CFAP52: variants seen among roughly 807,000 people sequenced by gnomAD.
CFAP52 encodes the protein cilia and flagella associated protein 52, also known as cilia- and flagella-associated protein 52.
Under a neutral mutation model 70.5 loss-of-function variants are expected in CFAP52, and 57 were observed. The observed-to-expected ratio is 0.81, with a 90% CI of 0.65 to 1.01. The LOEUF (loss-of-function observed/expected upper bound fraction) is 1.01, where lower values mean the gene tolerates loss of function less well. Ranked by LOEUF, CFAP52 falls within the 50% of genes least tolerant of loss-of-function variation. The pLI is 0.00. For missense variants in CFAP52, 785 were observed against 788.5 expected (o/e 1.00, Z 0.05); for synonymous variants, 267 against 292.5 (o/e 0.91, Z 0.89).
intron 6 of CFAP52, among the ~76,000 whole-genome samples, chr17:9,602,647 G>C (rs1034745328): frequency 3.3e-5 from 5 of 152,070 alleles, no homozygotes; most frequent in African/African-American, 4.8e-5. Flanking sequence ...GGGATTGCTG[G>C]GTCAAATGGT....
chr17:9,590,277 GC>G, intron 3 of CFAP52: 1 of 189,770 alleles, frequency 5.3e-6, no homozygotes, highest in Admixed American at 5.2e-5. Context: ...CTTCTGGCGG[GC>G]CAAGGTGTTT....
chr17:9,633,655 T>A (rs928943393), intron 10 of CFAP52, among the ~76,000 whole-genome samples: 1 of 151,520 alleles, frequency 6.6e-6, no homozygotes, highest in Non-Finnish European at 1.5e-5. Flanking sequence ...GGATCGTGGT[T>A]GTACGAATTG....
intron 13 of CFAP52, 145 bp downstream of exon 13, chr17:9,641,980 C>A: frequency 1.7e-6 from 1 of 581,012 alleles, no homozygotes; most frequent in Non-Finnish European, 3.0e-6. Context: ...AATACTGCAG[C>A]CAATGTGGCT....
chr17:9,608,111 C>T lies in CFAP52; in HGVS notation c.754-8C>T, dbSNP rs984417413. 3 of 1,603,490 alleles carry T rather than the reference C, an allele frequency of 1.9e-6. No homozygotes were observed. Among genetic ancestry groups the T allele is most frequent in the South Asian group, 2.2e-5 (2 of 89,566 alleles). The stretch of plus-strand genomic sequence containing the variant: ...TGTGCTTTTTCTTAACACAGTTTTT[C>T]CCCCTAGGGAGTGTCAGCTATCAGG... On this transcript the variant is annotated splice_polypyrimidine_tract_variant and splice_region_variant and intron_variant, in intron 6 of 13. Transcript: ENST00000352665.
At chr17:9,642,555 C>T (rs980639237) in intron 13 of CFAP52, among the ~76,000 whole-genome samples, 5 of 152,072 alleles carry the variant, frequency 3.3e-5, no homozygotes, top group Admixed American at 1.3e-4. Flanking sequence ...GCCTGGGAGG[C>T]GGAGGCTGCA....
intron 8 of CFAP52, among the ~76,000 whole-genome samples, chr17:9,612,768 G>A (rs1376246609): frequency 6.6e-6 from 1 of 152,054 alleles, no homozygotes; most frequent in African/African-American, 2.4e-5. Context: ...CCCATCCAGA[G>A]AAAGCTTAGT....
At chr17:9,595,627 G>A (rs375725968) in intron 4 of CFAP52, among the ~76,000 whole-genome samples, 4 of 152,092 alleles carry the variant, frequency 2.6e-5, no homozygotes, top group African/African-American at 9.6e-5. Context: ...ATTTCTTCAG[G>A]ACTCAATACT....
At chr17:9,595,739 G>A (rs1268883893) in intron 4 of CFAP52, among the ~76,000 whole-genome samples, 2 of 151,854 alleles carry the variant, frequency 1.3e-5, no homozygotes, top group African/African-American at 4.8e-5. Context: ...TCATTCGTAA[G>A]TAAAATTTTT....
At chr17:9,608,339 T>C (rs1909584813) in intron 7 of CFAP52, 120 bp downstream of exon 7, 1 of 766,780 alleles carries the variant, frequency 1.3e-6, no homozygotes. Context: ...TTCATCTTGC[T>C]GTTAGAATGA....
chr17:9,616,033 T>A (rs1297806932), intron 8 of CFAP52, among the ~76,000 whole-genome samples: 11 of 151,358 alleles, frequency 7.3e-5, no homozygotes, highest in Non-Finnish European at 2.9e-5. Context: ...GGTCTACAGC[T>A]CCCAGCGTGA....
chr17:9,634,118 A>G (rs1264478946), intron 10 of CFAP52, among the ~76,000 whole-genome samples: 2 of 152,166 alleles, frequency 1.3e-5, no homozygotes, highest in Admixed American at 6.5e-5. Context: ...CCTTTTGCTC[A>G]CACATTTTTC....
chr17:9,598,371 A>G, intron 5 of CFAP52, 38 bp downstream of exon 5: 1 of 1,559,114 alleles, frequency 6.4e-7, no homozygotes, highest in South Asian at 1.1e-5. Flanking sequence ...CAATTAGCAC[A>G]CGTTCCTGTT....
rs1567637053 is a variant in CFAP52, at chr17:9,636,178, A to AG, written c.1472+622_1472+623insG. Among the ~76,000 whole-genome samples the AG allele has an allele frequency of 9.4e-5, 11 of 116,494 alleles. No individual in the cohort carries two copies. In the East Asian group the frequency reaches 1.3e-3, roughly 13 times the overall value. 76.4% of individuals were successfully genotyped at this position (116,494 alleles called of 152,430 possible). ...AACAAGAGTGAAACTCTGTCTCAAA[A>AG]AAAAGAAAGAAAGAAAGAAAGAAAG... On this transcript the variant is annotated intron_variant, in intron 11 of 13. Transcript: ENST00000352665.
chr17:9,595,922 A>G (rs962112705), intron 4 of CFAP52, among the ~76,000 whole-genome samples: 2 of 151,184 alleles, frequency 1.3e-5, no homozygotes, highest in African/African-American at 4.9e-5. Flanking sequence ...CAGTACGTTT[A>G]AAATATGTCT....
At chr17:9,604,078 C>T (rs1909384909) in intron 6 of CFAP52, among the ~76,000 whole-genome samples, 1 of 152,016 alleles carries the variant, frequency 6.6e-6, no homozygotes, top group South Asian at 2.1e-4. Context: ...ATAAATAATG[C>T]TAAACACCTG....
At chr17:9,580,326 A>AG (rs1284031493) in intron 1 of CFAP52, among the ~76,000 whole-genome samples, 2 of 151,632 alleles carry the variant, frequency 1.3e-5, no homozygotes, top group Non-Finnish European at 2.9e-5. Context: ...CTTAAAAAAA[A>AG]AAAAAAAAAG....
rs181825457 is a variant in CFAP52 at position 9,612,012 on chromosome 17, C to T, written c.855-297C>T. ...GTTAGTTGCTGTGGTCATTTGTACCCATATGCCTGCCTGGAATATTCCCTC... is the reference window on the plus strand; with the variant it reads ...GTTAGTTGCTGTGGTCATTTGTACCTATATGCCTGCCTGGAATATTCCCTC... On this transcript the variant is annotated intron_variant, in intron 7 of 13. Transcript: ENST00000352665. Among the ~76,000 whole-genome samples, 468 of 152,310 alleles carry T rather than the reference C, an allele frequency of 3.1e-3. 1 individual carries two copies. The highest frequency in any genetic ancestry group is 7.9e-3 in the South Asian group (38 of 4,824).
In CFAP52 at chr17:9,583,083, G is replaced by A. The variant is rs761656094; in HGVS notation, c.71-2690G>A. Among the ~76,000 whole-genome samples, 181 of 152,198 alleles carry A rather than the reference G, an allele frequency of 1.2e-3. 1 individual carries two copies. The highest frequency in any genetic ancestry group is 2.6e-3 in the Admixed American group (40 of 15,274). On this transcript the variant is annotated intron_variant, in intron 1 of 13. Coordinates refer to ENST00000352665, the MANE Select transcript of CFAP52 (RefSeq NM_145054.5). ...CACATTTAGGTCTTTGATCTACCTG[G>A]AAGATATTGTTTGTGTAAGGTGTGA...
intron 1 of CFAP52, among the ~76,000 whole-genome samples, chr17:9,582,115 G>C (rs1450403985): frequency 6.6e-6 from 1 of 152,208 alleles, no homozygotes; most frequent in East Asian, 1.9e-4. Context: ...AAATAAATCT[G>C]AAGAAATACA....
Sources: allele counts gnomAD v4.1 joint callset (sites outside exome capture counted in the v4.1 genomes callset), GRCh38; gene constraint gnomAD v4.1.1; transcripts MANE v1.5; gene names NCBI Gene and HGNC (gene_info 2026-07-23, HGNC 2026-07-21).